Variants in SIMC1 observed in about 807,000 individuals in gnomAD.
The protein encoded by SIMC1 is SUMO interacting motifs containing 1, also known as SUMO-interacting motif-containing protein 1.
Under a neutral mutation model 82.3 loss-of-function variants are expected in SIMC1, and 55 were observed. That is an observed-to-expected ratio of 0.67 (90% CI 0.54 to 0.84). The LOEUF (loss-of-function observed/expected upper bound fraction) is 0.84, where lower values mean the gene tolerates loss of function less well. Ranked by LOEUF, SIMC1 falls within the 40% of genes least tolerant of loss-of-function variation. The probability of loss-of-function intolerance (pLI) is 0.00; values close to 1 mark genes in which losing one functional copy is unlikely to be tolerated. For synonymous variants in SIMC1, 353 were observed against 426.3 expected, an observed-to-expected ratio of 0.83 and a Z score of 2.12; for missense variants, 915 against 1,107.2, an observed-to-expected ratio of 0.83 and a Z score of 2.46.
intron 7 of SIMC1, among the ~76,000 whole-genome samples, chr5:176,331,560 C>G (rs1221175931): frequency 2.0e-5 from 3 of 151,350 alleles, no homozygotes; most frequent in African/African-American, 7.3e-5. Flanking sequence ...AGTGATCCAC[C>G]CACCTTGGCC....
In SIMC1 at chr5:176,345,526, TG is replaced by T; in HGVS notation, c.*83del. 1 of 1,484,270 alleles carries T rather than the reference TG, an allele frequency of 6.7e-7. No homozygotes were observed. The highest frequency in any genetic ancestry group is 2.4e-5 in the Admixed American group (1 of 41,568). 91.9% of individuals were successfully genotyped at this position (1,484,270 alleles called of 1,614,324 possible). On this transcript the variant is annotated 3_prime_UTR_variant, in exon 10 of 10. Coordinates refer to ENST00000429602, the MANE Select transcript of SIMC1 (RefSeq NM_001308195.2). Reference sequence around the variant, plus strand: ...TCAGAAGCTCTAAAAGCATGAAAAGTGGTTAAAATCTTACAGGACCAAACCT... The same window carrying T: ...TCAGAAGCTCTAAAAGCATGAAAAGTGTTAAAATCTTACAGGACCAAACCT...
At chr5:176,308,217 T>C in intron 4 of SIMC1, 1 of 1,521,714 alleles carries the variant, frequency 6.6e-7, no homozygotes, top group Non-Finnish European at 9.0e-7. Context: ...GACTCCAAAT[T>C]TGCATATACT....
At chr5:176,287,651 TAAA>T (rs1763353677) in intron 1 of SIMC1, among the ~76,000 whole-genome samples, 1 of 24,116 alleles carries the variant, frequency 4.1e-5, no homozygotes, top group Admixed American at 3.3e-4. Context: ...AAGTTAAAAA[TAAA>T]TAAAAATAAA....
intron 7 of SIMC1, among the ~76,000 whole-genome samples, chr5:176,329,794 T>A (rs7378996): frequency 0.74 from 112,513 of 151,978 alleles, 41,790 homozygotes; most frequent in Middle Eastern, 0.85. Flanking sequence ...GAATACTGAG[T>A]GCCAAGTTTC....
In SIMC1 at chr5:176,290,258, G is replaced by A. The variant is rs749845940; in HGVS notation, c.734G>A (p.Arg245Gln). 6.2e-6 allele frequency: 10 copies of A among 1,607,348 alleles called. No homozygotes were observed. The highest frequency in any genetic ancestry group is 1.7e-4 in the Middle Eastern group (1 of 6,048). The change falls in exon 2 of 10, where the codon CGA (arginine) becomes CAA (glutamine). Residue 245 changes from arginine to glutamine, a missense_variant. Arg to Gln is a conservative substitution (Grantham distance 43). Around this residue, in one of 2 missense-constraint regions of SIMC1, gnomAD observed 902 missense variants for 1,040.3 expected, o/e 0.87. Transcript: ENST00000429602. ...CCACGAGCCTCCTCATGCCCACCAC[G>A]AGCCTTGTCATGCCCATCACAAACC... The part of the protein sequence containing the change: ...CPPRASSCPP[R>Q]ALSCPSQTMQ...
rs370624776 is a variant in SIMC1 at position 176,296,252 on chromosome 5, C to G, written c.1666C>G (p.Leu556Val). ...TAATTGATTTCACTTGACTTTCAGG[C>G]TACATCCAGCCAATGCCAAGACAGT... is the stretch of plus-strand genomic sequence containing the variant. ...AYMLLMKIQQ[L>V]HPANAKTVEW... Residue 556 changes from leucine (L) to valine (V), a missense_variant and splice_region_variant, in exon 4 of 10, where the codon CTA (leucine) becomes GTA (valine). By Grantham distance (32) the Leu-to-Val change is conservative. Transcript: ENST00000429602. The G allele has an allele frequency of 6.2e-7, 1 of 1,612,334 alleles. No individual in the cohort carries two copies. Among genetic ancestry groups the G allele is most frequent in the Non-Finnish European group, 8.5e-7 (1 of 1,178,864 alleles).
chr5:176,306,895 C>T (rs987093490), intron 4 of SIMC1, among the ~76,000 whole-genome samples: 19 of 136,106 alleles, frequency 1.4e-4, no homozygotes, highest in African/African-American at 5.2e-4. Flanking sequence ...GAGAAACACC[C>T]AAGAATTATC....
chr5:176,277,042 G>A (rs201658499), intron 1 of SIMC1, among the ~76,000 whole-genome samples: 1 of 149,992 alleles, frequency 6.7e-6, no homozygotes, highest in East Asian at 2.0e-4. Context: ...CACAATGGTT[G>A]AACTAGTTTA....
intron 4 of SIMC1, among the ~76,000 whole-genome samples, chr5:176,303,798 T>A (rs888614768): frequency 6.6e-6 from 1 of 152,168 alleles, no homozygotes; most frequent in Non-Finnish European, 1.5e-5. Context: ...TTAAGGGTGC[T>A]AAGACGACTC....
chr5:176,289,616 C>T lies in SIMC1; in HGVS notation c.130-38C>T, dbSNP rs1368329866. The T allele has an allele frequency of 2.0e-6, 3 of 1,479,052 alleles. No individual in the cohort carries two copies. In the East Asian group the frequency reaches 7.0e-5, roughly 34 times the overall value. 91.6% of individuals were successfully genotyped at this position (1,479,052 alleles called of 1,614,324 possible). A position where few individuals can be genotyped will look rare whatever the true frequency, so the allele number is the denominator to read the frequency against. ...GTCATCTCAGATAAAGCTAATACTC[C>T]CATCTTGACCTCTTTTCTTCACACA... On this transcript the variant is annotated intron_variant, in intron 1 of 9. Transcript: ENST00000429602.
intron 1 of SIMC1, among the ~76,000 whole-genome samples, chr5:176,259,124 A>G (rs1761935931): frequency 6.6e-6 from 1 of 152,184 alleles, no homozygotes; most frequent in Non-Finnish European, 1.5e-5. Flanking sequence ...CTTATGTTTT[A>G]AAGGTACATA....
intron 2 of SIMC1, among the ~76,000 whole-genome samples, chr5:176,291,422 C>T (rs527271669): frequency 6.6e-6 from 1 of 151,254 alleles, no homozygotes; most frequent in South Asian, 2.1e-4. Context: ...CTGCAAGCTC[C>T]GCCTCCCGGG....
intron 7 of SIMC1, among the ~76,000 whole-genome samples, chr5:176,328,653 A>C (rs1765496797): frequency 6.6e-6 from 1 of 152,206 alleles, no homozygotes; most frequent in Non-Finnish European, 1.5e-5. Context: ...TGTTTTACAT[A>C]CTCAAAAAAT....
rs1220596679 is a variant in SIMC1 at position 176,271,617 on chromosome 5, C to CA, written c.130-18032dup. ...GGAGAGAATGGATGGTTAATGGGTACAAAAATATTTTTAGATACAATGAAT... is the reference window on the plus strand; with the variant it reads ...GGAGAGAATGGATGGTTAATGGGTACAAAAAATATTTTTAGATACAATGAAT... On this transcript the variant is annotated intron_variant, in intron 1 of 9. Coordinates refer to ENST00000429602, the MANE Select transcript of SIMC1 (RefSeq NM_001308195.2). 4.0e-5 allele frequency among the ~76,000 whole-genome samples: 6 copies of CA among 150,244 alleles called. No individual in the cohort carries two copies. In the East Asian group the frequency reaches 1.2e-3, roughly 29 times the overall value.
At chr5:176,273,068 G>T (rs1011426528) in intron 1 of SIMC1, among the ~76,000 whole-genome samples, 20 of 152,200 alleles carry the variant, frequency 1.3e-4, no homozygotes, top group African/African-American at 4.8e-4. Context: ...CTATCTGACA[G>T]CTTTGAAGAG....
chr5:176,264,461 T>A (rs1166182759), intron 1 of SIMC1, among the ~76,000 whole-genome samples: 2 of 152,202 alleles, frequency 1.3e-5, no homozygotes, highest in Non-Finnish European at 2.9e-5. Flanking sequence ...TAACACCACA[T>A]GGAAGCTGCC....
intron 7 of SIMC1, among the ~76,000 whole-genome samples, chr5:176,334,052 C>T (rs1340812913): frequency 6.6e-6 from 1 of 151,846 alleles, no homozygotes; most frequent in Admixed American, 6.6e-5. Flanking sequence ...AATTTACTTG[C>T]TTGCTTTTGA....
At chr5:176,301,709 G>C (rs765112741) in intron 4 of SIMC1, among the ~76,000 whole-genome samples, 4 of 151,714 alleles carry the variant, frequency 2.6e-5, no homozygotes, top group Non-Finnish European at 5.9e-5. Flanking sequence ...AACCCGGGAG[G>C]CAGGGGTTGC....
At chr5:176,243,201 A>G (rs1232832727) in intron 1 of SIMC1, among the ~76,000 whole-genome samples, 1 of 152,082 alleles carries the variant, frequency 6.6e-6, no homozygotes, top group Non-Finnish European at 1.5e-5. Context: ...GTGTTTTCAG[A>G]GAAGGCCTCT....
Sources: gnomAD v4.1 joint callset for allele counts (sites outside exome capture counted in the v4.1 genomes callset) on GRCh38, gnomAD v4.1.1 for gene constraint, gnomAD v4.1.1 regional missense constraint, MANE v1.5 for transcripts, NCBI Gene and HGNC (gene_info 2026-07-23, HGNC 2026-07-21) for gene names.